The following ERN1 variants were observed in gnomAD, a reference collection of about 807,000 sequenced individuals.
ERN1 encodes the protein endoplasmic reticulum to nucleus signaling 1.
A neutral mutation model predicts 113.1 loss-of-function variants in ERN1; 39 were observed. The ratio of observed to expected loss-of-function variants is 0.34; its 90% CI spans 0.27 to 0.45. The LOEUF (loss-of-function observed/expected upper bound fraction) is 0.45, where lower values mean the gene tolerates loss of function less well. ERN1 is among the 20% of genes least tolerant of loss of function. The pLI is 1.00. For synonymous variants in ERN1, 507 were observed against 515.9 expected, an observed-to-expected ratio of 0.98 and a Z score of 0.23; for missense variants, 976 against 1,274.8, an observed-to-expected ratio of 0.77 and a Z score of 3.57.
intron 2 of ERN1, among the ~76,000 whole-genome samples, chr17:64,088,908 T>C (rs976882605): frequency 1.3e-5 from 2 of 152,110 alleles, no homozygotes; most frequent in African/African-American, 4.8e-5. Flanking sequence ...ATGTTCCTCC[T>C]GAGGAACAAC....
intron 1 of ERN1, among the ~76,000 whole-genome samples, chr17:64,113,167 T>C (rs773461470): frequency 3.9e-5 from 6 of 152,216 alleles, no homozygotes; most frequent in Admixed American, 1.3e-4. Context: ...CAGTGACCTA[T>C]ATGTTTAAGC....
In ERN1 at chr17:64,106,729, C is replaced by CACACACACAT. The variant is rs1914538935; in HGVS notation, c.55-8489_55-8488insATGTGTGTGT. 2.8e-5 allele frequency among the ~76,000 whole-genome samples: 4 copies of CACACACACAT among 141,360 alleles called. No individual in the cohort carries two copies. In the South Asian group the frequency reaches 8.7e-4, roughly 31 times the overall value. 92.7% of individuals were successfully genotyped at this position (141,360 alleles called of 152,430 possible). The stretch of plus-strand genomic sequence containing the variant: ...ACAGGGTTTCTTACACACACACACA[C>CACACACACAT]ACACACACACACACACACACACACA... On this transcript the variant is annotated intron_variant, in intron 1 of 21. Coordinates refer to ENST00000433197, the MANE Select transcript of ERN1 (RefSeq NM_001433.5).
At chr17:64,077,104 C>T (rs143056486) in intron 4 of ERN1, among the ~76,000 whole-genome samples, 14 of 152,290 alleles carry the variant, frequency 9.2e-5, no homozygotes, top group East Asian at 7.7e-4. Context: ...GAGAAACCAA[C>T]GGAGAGCAGT....
intron 1 of ERN1, among the ~76,000 whole-genome samples, chr17:64,112,239 A>G (rs1461512483): frequency 6.6e-6 from 1 of 151,996 alleles, no homozygotes; most frequent in Non-Finnish European, 1.5e-5. Context: ...ACGGTGGCAC[A>G]TGCTTGTAAT....
intron 2 of ERN1, among the ~76,000 whole-genome samples, chr17:64,094,082 T>C (rs1399436538): frequency 1.3e-5 from 2 of 152,238 alleles, no homozygotes; most frequent in African/African-American, 2.4e-5. Flanking sequence ...CCAAAACCCT[T>C]TACTAATTAT....
At chr17:64,089,202 C>T (rs187207386) in intron 2 of ERN1, among the ~76,000 whole-genome samples, 2 of 151,534 alleles carry the variant, frequency 1.3e-5, no homozygotes, top group Admixed American at 6.6e-5. Context: ...ACGTGTAGTC[C>T]CAGCTACTCA....
intron 3 of ERN1, 147 bp from the exon 4 acceptor site, chr17:64,079,881 C>T: frequency 3.3e-6 from 2 of 610,280 alleles, no homozygotes; most frequent in Non-Finnish European, 6.0e-6. Flanking sequence ...GACAATTCCA[C>T]CCACTACTCT....
At chr17:64,098,449 G>A in intron 1 of ERN1, 1 of 745,702 alleles carries the variant, frequency 1.3e-6, no homozygotes, top group Middle Eastern at 2.3e-4. Context: ...CCTGCAGACA[G>A]GCAGGCTCAT....
chr17:64,089,437 C>T (rs1383793705), intron 2 of ERN1, among the ~76,000 whole-genome samples: 2 of 151,226 alleles, frequency 1.3e-5, no homozygotes, highest in Admixed American at 1.3e-4. Flanking sequence ...ACGTGATGTG[C>T]AAAGGAAATG....
chr17:64,123,573 G>C (rs765875949), intron 1 of ERN1, among the ~76,000 whole-genome samples: 1 of 152,094 alleles, frequency 6.6e-6, no homozygotes, highest in Admixed American at 6.6e-5. Flanking sequence ...AACAATTTAA[G>C]GTTAGTTTTG....
chr17:64,116,580 A>T (rs1914807912), intron 1 of ERN1, among the ~76,000 whole-genome samples: 1 of 152,048 alleles, frequency 6.6e-6, no homozygotes, highest in South Asian at 2.1e-4. Flanking sequence ...ACCGCATTTC[A>T]ATTTATCGGG....
At chr17:64,102,391 T>C (rs1914410443) in intron 1 of ERN1, among the ~76,000 whole-genome samples, 1 of 152,244 alleles carries the variant, frequency 6.6e-6, no homozygotes, top group South Asian at 2.1e-4. Flanking sequence ...CTGAGAATTC[T>C]GTCAATCACA....
chr17:64,072,893 T>C (rs924463275), intron 5 of ERN1, among the ~76,000 whole-genome samples: 2 of 152,242 alleles, frequency 1.3e-5, no homozygotes, highest in African/African-American at 4.8e-5. Context: ...TTGTAAAGCA[T>C]GATCTCTGGT....
At chr17:64,073,771 G>A (rs138858483) in intron 5 of ERN1, among the ~76,000 whole-genome samples, 1,629 of 152,328 alleles carry the variant, frequency 0.011, 19 homozygotes, top group Non-Finnish European at 0.012. Flanking sequence ...GATTACAGGC[G>A]TGAGCCACTG....
At chr17:64,097,890 G>T (rs895938738) in intron 2 of ERN1, 4 of 504,642 alleles carry the variant, frequency 7.9e-6, no homozygotes, top group Non-Finnish European at 1.4e-5. Context: ...CTAAACAGAA[G>T]CAAAAAAGAA....
intron 1 of ERN1, chr17:64,129,691 G>A: frequency 2.7e-6 from 1 of 375,294 alleles, no homozygotes; most frequent in South Asian, 1.4e-4. Context: ...TTGCGCCCGA[G>A]CCCGCGGGGT....
intron 1 of ERN1, among the ~76,000 whole-genome samples, chr17:64,101,118 AAAAG>A (rs1002837591): frequency 2.6e-5 from 4 of 152,184 alleles, no homozygotes; most frequent in African/African-American, 9.7e-5. Flanking sequence ...AAAAGGGAAA[AAAAG>A]GGCCAGGCGT....
In ERN1 at chr17:64,071,873, T is replaced by C. The variant is rs1913431116; in HGVS notation, c.478+108A>G. 2.5e-6 allele frequency: 3 copies of C among 1,193,888 alleles called. No homozygotes were observed. The East Asian group carries it at 7.6e-5, about 30-fold the overall frequency. 74.0% of individuals were successfully genotyped at this position (1,193,888 alleles called of 1,614,324 possible). A position where few individuals can be genotyped will look rare whatever the true frequency, so the allele number is the denominator to read the frequency against. On this transcript the variant is annotated intron_variant, in intron 6 of 21. Transcript: ENST00000433197. ...AAGGAAAATGACATGATGGGACCTG[T>C]GTTTGGAAAAAAGCAGCTCTGGCCA...
In ERN1 at chr17:64,054,543, A is replaced by T. The variant is rs1451651479; in HGVS notation, c.1764-104T>A. On this transcript the variant is annotated intron_variant, in intron 14 of 21. Coordinates refer to ENST00000433197, the MANE Select transcript of ERN1 (RefSeq NM_001433.5). This position sits in a 1 kb window ranked among gnomAD's most constrained non-coding sequence, Gnocchi z 4.9. ...GCATTCACCTACTGCCTCCCAGCCT[A>T]GAGAGCCCCGCCTGACTGCCTGGTG... 4 of 1,224,046 alleles carry T rather than the reference A, an allele frequency of 3.3e-6. No homozygotes were observed. The highest frequency in any genetic ancestry group is 4.6e-6 in the Non-Finnish European group (4 of 877,098). 75.8% of individuals were successfully genotyped at this position (1,224,046 alleles called of 1,614,324 possible). A position where few individuals can be genotyped will look rare whatever the true frequency, so the allele number is the denominator to read the frequency against.
Sources: gnomAD v4.1 joint callset for allele counts (sites outside exome capture counted in the v4.1 genomes callset) on GRCh38, gnomAD v4.1.1 for gene constraint, Gnocchi (gnomAD v3.1) non-coding constraint, MANE v1.5 for transcripts, NCBI Gene and HGNC (gene_info 2026-07-23, HGNC 2026-07-21) for gene names.